The following PLCG1 variants were observed in gnomAD, a reference collection of about 807,000 sequenced individuals.
PLCG1 encodes 1-phosphatidylinositol 4,5-bisphosphate phosphodiesterase gamma-1.
A neutral mutation model predicts 177.8 loss-of-function variants in PLCG1; 71 were observed. The observed-to-expected ratio is 0.40, with a 90% CI of 0.33 to 0.49. PLCG1 has a LOEUF of 0.49. PLCG1 is among the 20% of genes least tolerant of loss of function. The pLI is 0.72. For synonymous variants in PLCG1, 658 were observed against 647.9 expected (o/e 1.02, Z -0.24); for missense variants, 1,281 against 1,709.0 (o/e 0.75, Z 4.42).
rs538426381 is a variant in PLCG1, at chr20:41,151,138, C to G, written c.218-8468C>G. On this transcript the variant is annotated intron_variant, in intron 1 of 31. Transcript: ENST00000685551. This position sits in a 1 kb window ranked among gnomAD's most constrained non-coding sequence, Gnocchi z 5.5. ...TCCTTCCTTTGGATTCTGTTCTTAC[C>G]TCTGAAATAGGTGAGATTAATTTAG... Among the ~76,000 whole-genome samples the G allele has an allele frequency of 3.3e-5, 5 of 152,218 alleles. No individual in the cohort carries two copies. In the East Asian group the frequency reaches 9.6e-4, roughly 29 times the overall value.
rs2035081789 is a variant in PLCG1, at chr20:41,149,000, A to G, written c.218-10606A>G. Reference sequence around the variant, plus strand: ...ACCCTAATACTTACTTCATAGTGTTATTTGCAAGTATAAAATATAAGGCAG... The same window carrying G: ...ACCCTAATACTTACTTCATAGTGTTGTTTGCAAGTATAAAATATAAGGCAG... On this transcript the variant is annotated intron_variant, in intron 1 of 31. Coordinates refer to ENST00000685551, the MANE Select transcript of PLCG1 (RefSeq NM_002660.3). The surrounding 1 kb of genome is among the most constrained non-coding windows in gnomAD (Gnocchi z 4.3). Among the ~76,000 whole-genome samples, 3 of 152,328 alleles carry G rather than the reference A, an allele frequency of 2.0e-5. No individual in the cohort carries two copies. The South Asian group carries it at 6.2e-4, about 32-fold the overall frequency.
At position 41,174,161 on chromosome 20, in the gene PLCG1, C is replaced by T. The variant is rs1385119871; in HGVS notation, c.3683C>T (p.Ser1228Phe). 6.2e-7 allele frequency: 1 copy of T among 1,614,130 alleles called. No homozygotes were observed. Among genetic ancestry groups the T allele is most frequent in the Admixed American group, 1.7e-5 (1 of 60,030 alleles). Residue 1228 changes from serine to phenylalanine, a missense_variant, in exon 31 of 32, where the codon TCC (serine) becomes TTC (phenylalanine). Physicochemically the swap from Ser to Phe is radical, Grantham distance 155. This residue lies in a region of PLCG1 where 153 missense variants were observed against 153.2 expected (regional missense o/e 1.00). Coordinates refer to ENST00000685551, the MANE Select transcript of PLCG1 (RefSeq NM_002660.3). This position sits in a 1 kb window ranked among gnomAD's most constrained non-coding sequence, Gnocchi z 5.8. ...NGDLSPFSGT[S>F]LRERGSDASG... ...GACCTCAGTCCCTTCAGTGGTACGT[C>T]CCTGCGGGAGCGGGGCTCAGATGCC... is the stretch of plus-strand genomic sequence containing the variant.
intron 1 of PLCG1, among the ~76,000 whole-genome samples, chr20:41,142,698 TG>T (rs1427428990): frequency 1.3e-5 from 2 of 152,224 alleles, no homozygotes; most frequent in Admixed American, 1.3e-4. Context: ...TTAAAGCATA[TG>T]ACTACCTCTC....
chr20:41,172,353 T>A lies in PLCG1; in HGVS notation c.2905+64T>A, dbSNP rs2035929116. ...GAGGGCCTGGTGGGTGCAAAAAGAG[T>A]ATTTAGGTATCCCCCCAACACTTCC... On this transcript the variant is annotated intron_variant, in intron 25 of 31. Coordinates refer to ENST00000685551, the MANE Select transcript of PLCG1 (RefSeq NM_002660.3). This position sits in a 1 kb window ranked among gnomAD's most constrained non-coding sequence, Gnocchi z 7.0. The A allele has an allele frequency of 1.9e-6, 3 of 1,574,836 alleles. No homozygotes were observed. The highest frequency in any genetic ancestry group is 2.6e-6 in the Non-Finnish European group (3 of 1,145,116).
In PLCG1 at chr20:41,151,267, G is replaced by A. The variant is rs2035157490; in HGVS notation, c.218-8339G>A. Among the ~76,000 whole-genome samples the A allele has an allele frequency of 1.3e-5, 2 of 152,296 alleles. No homozygotes were observed. The highest frequency in any genetic ancestry group is 1.3e-4 in the Admixed American group (2 of 15,304). On this transcript the variant is annotated intron_variant, in intron 1 of 31. Transcript: ENST00000685551. This position sits in a 1 kb window ranked among gnomAD's most constrained non-coding sequence, Gnocchi z 5.5. The stretch of plus-strand genomic sequence containing the variant: ...TGTCAGGGATAGCAGCTGCTGTGGG[G>A]ACACTGCAGAGTGTCCCAGTTCTGC...
chr20:41,142,708 T>C (rs1451315388), intron 1 of PLCG1, among the ~76,000 whole-genome samples: 2 of 152,198 alleles, frequency 1.3e-5, no homozygotes, highest in African/African-American at 4.8e-5. Flanking sequence ...TGACTACCTC[T>C]CTGGGCTGCT....
chr20:41,153,212 T>C lies in PLCG1; in HGVS notation c.218-6394T>C, dbSNP rs1334054484. Among the ~76,000 whole-genome samples the C allele has an allele frequency of 1.3e-5, 2 of 152,260 alleles. No individual in the cohort carries two copies. Among genetic ancestry groups the C allele is most frequent in the Non-Finnish European group, 2.9e-5 (2 of 68,052 alleles). ...TTACAAAATTTCTTTACTCCATGCA[T>C]GTTTAAATGGATAGTTTTTGCTACC... On this transcript the variant is annotated intron_variant, in intron 1 of 31. Coordinates refer to ENST00000685551, the MANE Select transcript of PLCG1 (RefSeq NM_002660.3). This position sits in a 1 kb window ranked among gnomAD's most constrained non-coding sequence, Gnocchi z 5.1.
At chr20:41,154,616 G>C (rs1000524141) in intron 1 of PLCG1, among the ~76,000 whole-genome samples, 2 of 152,162 alleles carry the variant, frequency 1.3e-5, no homozygotes, top group Admixed American at 6.5e-5. Flanking sequence ...CTGATGTCTC[G>C]GGGGAGTCGG....
Position 41,165,921 on chromosome 20 carries a change from T to C in PLCG1, c.1799+95T>C, listed in dbSNP as rs2035671692. 1.9e-6 allele frequency: 2 copies of C among 1,067,370 alleles called. No individual in the cohort carries two copies. Among genetic ancestry groups the C allele is most frequent in the Admixed American group, 4.6e-5 (2 of 43,120 alleles). The allele number at this position is 1,067,370 out of a possible 1,614,324, so 66.1% of individuals were successfully genotyped here. A position where few individuals can be genotyped will look rare whatever the true frequency, so the allele number is the denominator to read the frequency against. On this transcript the variant is annotated intron_variant, in intron 16 of 31. Transcript: ENST00000685551. This position sits in a 1 kb window ranked among gnomAD's most constrained non-coding sequence, Gnocchi z 6.6. ...AATCAGTTAACATTTGAGCCTTTGA[T>C]CCAGGACAATAATTAGGCTTTACAT...
At position 41,167,549 on chromosome 20, in the gene PLCG1, G is replaced by A. The variant is rs1269286898; in HGVS notation, c.2302-303G>A. 2.6e-6 allele frequency: 1 copy of A among 385,930 alleles called. No homozygotes were observed. The highest frequency in any genetic ancestry group is 2.0e-5 in the African/African-American group (1 of 48,940). The allele number at this position is 385,930 out of a possible 1,614,324, so 23.9% of individuals were successfully genotyped here. ...CCACTGAACTAAAGCACTGAATATG[G>A]GTAGTCTGTGAAGGGCCCACCTGCA... On this transcript the variant is annotated intron_variant, in intron 19 of 31. Transcript: ENST00000685551. The surrounding 1 kb of genome is among the most constrained non-coding windows in gnomAD (Gnocchi z 4.4).
chr20:41,161,530 C>T (rs1600657006), intron 4 of PLCG1, among the ~76,000 whole-genome samples: 2 of 152,124 alleles, frequency 1.3e-5, no homozygotes, highest in East Asian at 1.9e-4. Flanking sequence ...TCTGTTTCCT[C>T]ACTGGAAAAC....
chr20:41,151,136 A>G lies in PLCG1; in HGVS notation c.218-8470A>G, dbSNP rs1406392372. On this transcript the variant is annotated intron_variant, in intron 1 of 31. Transcript: ENST00000685551. This position sits in a 1 kb window ranked among gnomAD's most constrained non-coding sequence, Gnocchi z 5.5. ...CTTCCTTCCTTTGGATTCTGTTCTTACCTCTGAAATAGGTGAGATTAATTT... is the reference window on the plus strand; with the variant it reads ...CTTCCTTCCTTTGGATTCTGTTCTTGCCTCTGAAATAGGTGAGATTAATTT... 6.6e-6 allele frequency among the ~76,000 whole-genome samples: 1 copy of G among 152,070 alleles called. No homozygotes were observed. Among genetic ancestry groups the G allele is most frequent in the Non-Finnish European group, 1.5e-5 (1 of 68,006 alleles).
At position 41,162,705 on chromosome 20, in the gene PLCG1, A is replaced by T. The variant is rs774353170; in HGVS notation, c.661A>T (p.Met221Leu). 2 of 1,613,348 alleles carry T rather than the reference A, an allele frequency of 1.2e-6. No homozygotes were observed. ...GTTTGCTCAGCTGTACCGCAGCCTC[A>T]TGTACAGCGCCCAGAAGACGGTGCA... is the stretch of plus-strand genomic sequence containing the variant. ...GQFAQLYRSL[M>L]YSAQKTMDLP... Residue 221 changes from methionine (M) to leucine (L), a missense_variant, in exon 6 of 32, where the codon ATG becomes TTG. Met to Leu is a conservative substitution (Grantham distance 15). Coordinates refer to ENST00000685551, the MANE Select transcript of PLCG1 (RefSeq NM_002660.3).
chr20:41,174,393 A>G lies in PLCG1; in HGVS notation c.3834-74A>G. The G allele has an allele frequency of 6.2e-7, 1 of 1,603,162 alleles. No homozygotes were observed. Among genetic ancestry groups the G allele is most frequent in the Non-Finnish European group, 8.5e-7 (1 of 1,171,478 alleles). The stretch of plus-strand genomic sequence containing the variant: ...TCAGTGTTTCTTTCTCCTGGGTAGA[A>G]AAGTTGTAATATTGTCTGGCATTGG... On this transcript the variant is annotated intron_variant, in intron 31 of 31. Coordinates refer to ENST00000685551, the MANE Select transcript of PLCG1 (RefSeq NM_002660.3). The surrounding 1 kb of genome is among the most constrained non-coding windows in gnomAD (Gnocchi z 5.8).
At position 41,163,676 on chromosome 20, in the gene PLCG1, G is replaced by A; in HGVS notation, c.892-39G>A. ...TACCATCTTGGGTTGGACAGGGCAG[G>A]GACTCACTGTCTCTTCCCTTCCACA... On this transcript the variant is annotated intron_variant, in intron 9 of 31. Coordinates refer to ENST00000685551, the MANE Select transcript of PLCG1 (RefSeq NM_002660.3). The surrounding 1 kb of genome is among the most constrained non-coding windows in gnomAD (Gnocchi z 5.2). 7.2e-7 allele frequency: 1 copy of A among 1,389,774 alleles called. No individual in the cohort carries two copies. Among genetic ancestry groups the A allele is most frequent in the Non-Finnish European group, 1.0e-6 (1 of 975,540 alleles). The allele number at this position is 1,389,774 out of a possible 1,614,324, so 86.1% of individuals were successfully genotyped here.
chr20:41,170,023 A>G (rs1416311581), intron 23 of PLCG1, 89 bp from the exon 24 acceptor site: 4 of 1,188,120 alleles, frequency 3.4e-6, no homozygotes, highest in Non-Finnish European at 4.8e-6. Context: ...GATGAGATAG[A>G]ACTCATTTGA....
Position 41,164,968 on chromosome 20 carries a change from G to A in PLCG1, c.1253G>A (p.Ser418Asn). 1 of 1,614,232 alleles carries A rather than the reference G, an allele frequency of 6.2e-7. No individual in the cohort carries two copies. Among genetic ancestry groups the A allele is most frequent in the East Asian group, 2.2e-5 (1 of 44,894 alleles). ...PVILSIEDHCSIAQQRNMAQY... is the reference protein window; with the variant it reads ...PVILSIEDHCNIAQQRNMAQY... ...ATCCTGTCCATTGAGGACCACTGCAGCATTGCCCAGCAGAGAAACATGGCC... is the reference window on the plus strand; with the variant it reads ...ATCCTGTCCATTGAGGACCACTGCAACATTGCCCAGCAGAGAAACATGGCC... Residue 418 changes from serine (S) to asparagine (N), a missense_variant, in exon 13 of 32, where the codon AGC becomes AAC. Ser to Asn is a conservative substitution (Grantham distance 46, BLOSUM62 1). Coordinates refer to ENST00000685551, the MANE Select transcript of PLCG1 (RefSeq NM_002660.3). The surrounding 1 kb of genome is among the most constrained non-coding windows in gnomAD (Gnocchi z 6.4).
At chr20:41,154,245 C>CT in intron 1 of PLCG1, among the ~76,000 whole-genome samples, 1 of 152,320 alleles carries the variant, frequency 6.6e-6, no homozygotes. Flanking sequence ...TGGGGGACCT[C>CT]TGTCTGTTGG....
rs1056797120 is a variant in PLCG1 at position 41,174,739 on chromosome 20, G to A, written c.*230G>A. ...GAAGGCAAAAACTGTACTGTGTTTC[G>A]CATTAAGCACACACATCTGGCCCTG... On this transcript the variant is annotated 3_prime_UTR_variant, in exon 32 of 32. Coordinates refer to ENST00000685551, the MANE Select transcript of PLCG1 (RefSeq NM_002660.3). This position sits in a 1 kb window ranked among gnomAD's most constrained non-coding sequence, Gnocchi z 5.8. 4.4e-5 allele frequency: 25 copies of A among 561,876 alleles called. No homozygotes were observed. Among genetic ancestry groups the A allele is most frequent in the African/African-American group, 1.9e-4 (10 of 52,954 alleles). The allele number at this position is 561,876 out of a possible 1,614,324, so 34.8% of individuals were successfully genotyped here. A position where few individuals can be genotyped will look rare whatever the true frequency, so the allele number is the denominator to read the frequency against.
Sources: gnomAD v4.1 joint callset for allele counts (sites outside exome capture counted in the v4.1 genomes callset) on GRCh38, gnomAD v4.1.1 for gene constraint, gnomAD v4.1.1 regional missense constraint, Gnocchi (gnomAD v3.1) non-coding constraint, MANE v1.5 for transcripts, NCBI Gene and HGNC (gene_info 2026-07-23, HGNC 2026-07-21) for gene names.